The following AFAP1 variants were observed in gnomAD, a reference collection of about 807,000 sequenced individuals.
The protein encoded by AFAP1 is actin filament associated protein 1, also known as actin filament-associated protein 1.
In AFAP1, 75 loss-of-function variants were observed where a neutral mutation model predicts 93.9. That is an observed-to-expected ratio of 0.80 (90% CI 0.66 to 0.97). The LOEUF is 0.97. Ranked by LOEUF, AFAP1 falls within the 50% of genes least tolerant of loss-of-function variation. The probability of loss-of-function intolerance (pLI) is 0.00; values close to 1 mark genes in which losing one functional copy is unlikely to be tolerated. For missense variants in AFAP1, 1,201 were observed against 1,050.8 expected, an observed-to-expected ratio of 1.14 and a Z score of -1.98; for synonymous variants, 517 against 430.7, an observed-to-expected ratio of 1.20 and a Z score of -2.48.
intron 4 of AFAP1, among the ~76,000 whole-genome samples, chr4:7,852,767 G>C (rs1714597503): frequency 6.6e-6 from 1 of 152,162 alleles, no homozygotes. Flanking sequence ...TTTCTTCCTT[G>C]TTTTGATAAG....
chr4:7,809,686 T>A lies in AFAP1; in HGVS notation c.982A>T (p.Ile328Phe). ...KVTGKKITKI[I>F]SLGKKKPSTD... is the part of the protein sequence containing the mutation. ...GACGGCTTTTTCTTTCCCAGACTGATGATCTTGGTGATTTTTTTCCCAGTG... is the reference window on the plus strand; with the variant it reads ...GACGGCTTTTTCTTTCCCAGACTGAAGATCTTGGTGATTTTTTTCCCAGTG... Residue 328 changes from isoleucine (I) to phenylalanine (F), a missense_variant, in exon 9 of 18, where the codon ATC becomes TTC. Coordinates refer to ENST00000420658, the MANE Select transcript of AFAP1 (RefSeq NM_001134647.2). 6.2e-7 allele frequency: 1 copy of A among 1,614,190 alleles called. No individual in the cohort carries two copies.
rs1716698357 is a variant in AFAP1, at chr4:7,868,615, G to A, written c.225+7C>T. ...ATGACCACTGAGATGGTGGGACCTT[G>A]ACTCACCAGCCAGGGCTGAGGGATC... On this transcript the variant is annotated splice_region_variant and intron_variant, in intron 3 of 17. Coordinates refer to ENST00000420658, the MANE Select transcript of AFAP1 (RefSeq NM_001134647.2). 6 of 1,610,392 alleles carry A rather than the reference G, an allele frequency of 3.7e-6. No homozygotes were observed. Among genetic ancestry groups the A allele is most frequent in the Non-Finnish European group, 5.1e-6 (6 of 1,179,482 alleles).
chr4:7,834,092 T>TACACAC (rs142790415), intron 6 of AFAP1, among the ~76,000 whole-genome samples: 7,765 of 126,568 alleles, frequency 0.061, 282 homozygotes, highest in East Asian at 0.085. Flanking sequence ...AACTGTGGCA[T>TACACAC]ACACACACAC....
At chr4:7,840,261 G>GGTGTGTGTGTGTGT (rs1560191503) in intron 5 of AFAP1, among the ~76,000 whole-genome samples, 5 of 56,192 alleles carry the variant, frequency 8.9e-5, no homozygotes, top group African/African-American at 3.2e-4. Context: ...TTGTTTTTGG[G>GGTGTGTGTGTGTGT]ATGTGTGTGT....
chr4:7,934,375 G>A (rs1002134988), intron 1 of AFAP1, among the ~76,000 whole-genome samples: 1 of 152,212 alleles, frequency 6.6e-6, no homozygotes, highest in South Asian at 2.1e-4. Flanking sequence ...CTCCACGTGT[G>A]AGTCACGAGT....
chr4:7,918,247 AG>A (rs1720204553), intron 1 of AFAP1, among the ~76,000 whole-genome samples: 1 of 142,194 alleles, frequency 7.0e-6, no homozygotes, highest in African/African-American at 2.7e-5. Context: ...CCAGGTCACC[AG>A]GAAACAGGGC....
At chr4:7,936,955 T>C (rs1048042728) in intron 1 of AFAP1, among the ~76,000 whole-genome samples, 1 of 152,132 alleles carries the variant, frequency 6.6e-6, no homozygotes, top group South Asian at 2.1e-4. Context: ...ACTCTCAAAA[T>C]TCCATTTACT....
chr4:7,785,743 C>G (rs1717198541), intron 12 of AFAP1, among the ~76,000 whole-genome samples: 1 of 151,978 alleles, frequency 6.6e-6, no homozygotes, highest in African/African-American at 2.4e-5. Context: ...TCAAGACTGG[C>G]CTTGCCAATA....
chr4:7,806,198 A>G (rs1169765278), intron 9 of AFAP1, among the ~76,000 whole-genome samples: 1 of 152,248 alleles, frequency 6.6e-6, no homozygotes, highest in Admixed American at 6.5e-5. Context: ...TAAATGCGTC[A>G]GTCAACGTCA....
At chr4:7,861,525 T>G (rs1426533381) in intron 3 of AFAP1, among the ~76,000 whole-genome samples, 5 of 152,304 alleles carry the variant, frequency 3.3e-5, no homozygotes, top group Middle Eastern at 3.4e-3. Flanking sequence ...AGCGCTTGAG[T>G]AAACACTGGG....
At chr4:7,855,662 T>C in intron 3 of AFAP1, 88 bp from the exon 4 acceptor site, 1 of 1,054,128 alleles carries the variant, frequency 9.5e-7, no homozygotes, top group Middle Eastern at 2.0e-4. Context: ...TGGCCAGTCT[T>C]TTCCTCTTTC....
intron 14 of AFAP1, chr4:7,775,763 A>G (rs1577189868): frequency 6.6e-6 from 1 of 152,216 alleles, no homozygotes. Flanking sequence ...AGTTTCCCTC[A>G]TCCGTGAAAT....
At chr4:7,916,580 T>C (rs905787052) in intron 1 of AFAP1, among the ~76,000 whole-genome samples, 6 of 152,132 alleles carry the variant, frequency 3.9e-5, no homozygotes, top group African/African-American at 1.4e-4. Flanking sequence ...CGTGAAGCCC[T>C]CTAGTCCCAG....
intron 6 of AFAP1, among the ~76,000 whole-genome samples, chr4:7,832,976 A>C (rs1711812072): frequency 6.6e-6 from 1 of 152,208 alleles, no homozygotes; most frequent in South Asian, 2.1e-4. Flanking sequence ...CTGGATCCTC[A>C]TCTCTCACCT....
intron 2 of AFAP1, among the ~76,000 whole-genome samples, chr4:7,869,166 AAGAAAAGAAAAG>A (rs531390138): frequency 1.8e-3 from 271 of 151,966 alleles, no homozygotes; most frequent in Non-Finnish European, 3.3e-3. Flanking sequence ...GGAAAGGGAA[AAGAAAAGAAAAG>A]AGAAAAGAAA....
intron 1 of AFAP1, among the ~76,000 whole-genome samples, chr4:7,879,890 C>G: frequency 6.6e-6 from 1 of 152,050 alleles, no homozygotes. Context: ...GTCTTGAACT[C>G]CTGGGCTAAA....
At chr4:7,869,240 AGGAAGG>A (rs145581070) in intron 2 of AFAP1, among the ~76,000 whole-genome samples, 1 of 151,188 alleles carries the variant, frequency 6.6e-6, no homozygotes, top group Non-Finnish European at 1.5e-5. Context: ...AAGGGGAAGG[AGGAAGG>A]GGAAGGGGTG....
At position 7,759,413 on chromosome 4, in the gene AFAP1, C is replaced by T. The variant is rs554807048; in HGVS notation, c.*4352G>A. 5 of 152,762 alleles carry T rather than the reference C, an allele frequency of 3.3e-5. No homozygotes were observed. The highest frequency in any genetic ancestry group is 9.6e-5 in the African/African-American group (4 of 41,578). 9.5% of individuals were successfully genotyped at this position (152,762 alleles called of 1,614,324 possible). A position where few individuals can be genotyped will look rare whatever the true frequency, so the allele number is the denominator to read the frequency against. On this transcript the variant is annotated 3_prime_UTR_variant, in exon 18 of 18. Transcript: ENST00000420658. Reference sequence around the variant, plus strand: ...GGTGCAGTTTCCCTTCTTTTACAGACGCCCTGCTATGGCTTGGGGACTCAC... The same window carrying T: ...GGTGCAGTTTCCCTTCTTTTACAGATGCCCTGCTATGGCTTGGGGACTCAC...
At chr4:7,917,419 T>C (rs919444553) in intron 1 of AFAP1, among the ~76,000 whole-genome samples, 5 of 152,216 alleles carry the variant, frequency 3.3e-5, no homozygotes, top group East Asian at 1.9e-4. Flanking sequence ...TATTAGTGAC[T>C]ACCCCAAAGA....
Sources: gnomAD v4.1 joint callset for allele counts (sites outside exome capture counted in the v4.1 genomes callset) on GRCh38, gnomAD v4.1.1 for gene constraint, MANE v1.5 for transcripts, NCBI Gene and HGNC (gene_info 2026-07-23, HGNC 2026-07-21) for gene names.